The following GIGYF2 variants were observed in gnomAD, a reference collection of about 807,000 sequenced individuals.
GIGYF2 encodes the protein GRB10 interacting GYF protein 2.
A neutral mutation model predicts 208.1 loss-of-function variants in GIGYF2; 25 were observed. The ratio of observed to expected loss-of-function variants is 0.12; its 90% CI spans 0.09 to 0.17. GIGYF2 has a LOEUF of 0.17. Among genes scored for constraint, GIGYF2 ranks in the 10% least tolerant of loss-of-function variants. GIGYF2 has a pLI of 1.00. For synonymous variants in GIGYF2, 534 were observed against 543.8 expected, an observed-to-expected ratio of 0.98 and a Z score of 0.25; for missense variants, 1,302 against 1,579.4, an observed-to-expected ratio of 0.82 and a Z score of 2.98.
intron 14 of GIGYF2, among the ~76,000 whole-genome samples, chr2:232,800,430 C>T (rs1467843652): frequency 6.6e-6 from 1 of 152,082 alleles, no homozygotes; most frequent in Non-Finnish European, 1.5e-5. Context: ...AATATTTGAC[C>T]ATGTACTCTG....
At chr2:232,855,985 C>T (rs1380673381) in intron 28 of GIGYF2, among the ~76,000 whole-genome samples, 1 of 151,950 alleles carries the variant, frequency 6.6e-6, no homozygotes, top group Non-Finnish European at 1.5e-5. Flanking sequence ...GGCTGGAGTG[C>T]AGTGGCGCGA....
intron 28 of GIGYF2, among the ~76,000 whole-genome samples, chr2:232,853,424 G>A (rs1690434364): frequency 6.6e-6 from 1 of 152,166 alleles, no homozygotes; most frequent in Admixed American, 6.5e-5. Flanking sequence ...CTACAGGTGC[G>A]TGCCACCACG....
chr2:232,790,529 T>A (rs142425787), intron 9 of GIGYF2, among the ~76,000 whole-genome samples, 169 bp from the exon 10 acceptor site: 1 of 152,250 alleles, frequency 6.6e-6, no homozygotes, highest in South Asian at 2.1e-4. Flanking sequence ...ATGGTACATA[T>A]ACTCTGAACT....
chr2:232,801,231 A>C (rs1017796735), intron 14 of GIGYF2, among the ~76,000 whole-genome samples: 1 of 152,142 alleles, frequency 6.6e-6, no homozygotes, highest in Non-Finnish European at 1.5e-5. Context: ...TTACATTTTT[A>C]AATAGTCATA....
chr2:232,842,012 T>A (rs989075868), intron 23 of GIGYF2, among the ~76,000 whole-genome samples: 107 of 147,716 alleles, frequency 7.2e-4, no homozygotes, highest in Non-Finnish European at 1.2e-3. Flanking sequence ...TAAAAAAAAA[T>A]TTTTTTTTTT....
At chr2:232,737,236 A>G (rs1203686057) in intron 3 of GIGYF2, among the ~76,000 whole-genome samples, 1 of 152,220 alleles carries the variant, frequency 6.6e-6, no homozygotes. Context: ...ATCTTTCAAT[A>G]GTATCTTACA....
rs183594180 is a variant in GIGYF2, at chr2:232,761,173, T to C, written c.492-223T>C. ...TATGTATCTAATTTAAAAAATAATA[T>C]TTTGGGTCAATAGAAACAGCTTTTG... On this transcript the variant is annotated intron_variant, in intron 7 of 28. Coordinates refer to ENST00000373563, the MANE Select transcript of GIGYF2 (RefSeq NM_001103146.3). Among the ~76,000 whole-genome samples the C allele has an allele frequency of 9.7e-4, 148 of 152,276 alleles. 3 individuals carry two copies. In the East Asian group the frequency reaches 0.021, roughly 21 times the overall value.
intron 21 of GIGYF2, among the ~76,000 whole-genome samples, chr2:232,828,957 A>G (rs1469980391): frequency 6.6e-6 from 1 of 152,184 alleles, no homozygotes; most frequent in Admixed American, 6.5e-5. Flanking sequence ...GTAGTGTTTC[A>G]TGAATGACAA....
chr2:232,790,958 T>C, intron 10 of GIGYF2, 43 bp downstream of exon 10: 1 of 1,611,674 alleles, frequency 6.2e-7, no homozygotes, highest in Non-Finnish European at 8.5e-7. Context: ...ATTAACCTTA[T>C]ACCAAAGCCA....
Position 232,764,097 on chromosome 2 carries a change from CTA to C in GIGYF2, c.532+2663_532+2664del, listed in dbSNP as rs546786589. Among the ~76,000 whole-genome samples, 176 of 152,270 alleles carry C rather than the reference CTA, an allele frequency of 1.2e-3. 1 individual carries two copies. The highest frequency in any genetic ancestry group is 4.0e-3 in the African/African-American group (165 of 41,538). On this transcript the variant is annotated intron_variant, in intron 8 of 28. Transcript: ENST00000373563. ...AATCATTCAATATTGTGAGGGATAT[CTA>C]TGGAGTGGAACAGTTAGGACATGGG...
At chr2:232,761,123 A>C (rs934464739) in intron 7 of GIGYF2, among the ~76,000 whole-genome samples, 1 of 152,172 alleles carries the variant, frequency 6.6e-6, no homozygotes, top group Admixed American at 6.5e-5. Flanking sequence ...AACACATTCT[A>C]AGAGCAGTAT....
At chr2:232,834,423 C>T (rs943697988) in intron 22 of GIGYF2, among the ~76,000 whole-genome samples, 2 of 152,136 alleles carry the variant, frequency 1.3e-5, no homozygotes, top group African/African-American at 4.8e-5. Flanking sequence ...ATGTGAGAAC[C>T]ACTGTCCATC....
At chr2:232,850,937 CCA>C (rs1690290682) in intron 28 of GIGYF2, among the ~76,000 whole-genome samples, 1 of 152,130 alleles carries the variant, frequency 6.6e-6, no homozygotes, top group Non-Finnish European at 1.5e-5. Context: ...AGAACATTTC[CCA>C]GTGTTACATA....
chr2:232,850,243 C>A lies in GIGYF2; in HGVS notation c.3685-19C>A. 2 of 1,608,908 alleles carry A rather than the reference C, an allele frequency of 1.2e-6. No individual in the cohort carries two copies. Among genetic ancestry groups the A allele is most frequent in the South Asian group, 2.2e-5 (2 of 90,914 alleles). Reference sequence around the variant, plus strand: ...TCTGAATCTGCTGTGTAATCTCAGTCATGCTGCTTATTTCACAGGACTCTG... The same window carrying A: ...TCTGAATCTGCTGTGTAATCTCAGTAATGCTGCTTATTTCACAGGACTCTG... On this transcript the variant is annotated intron_variant, in intron 27 of 28. Coordinates refer to ENST00000373563, the MANE Select transcript of GIGYF2 (RefSeq NM_001103146.3).
At chr2:232,818,654 CAG>C (rs1169210766) in intron 20 of GIGYF2, among the ~76,000 whole-genome samples, 7 of 151,738 alleles carry the variant, frequency 4.6e-5, no homozygotes, top group Non-Finnish European at 1.0e-4. Flanking sequence ...TTTTTGGAGA[CAG>C]AGTCTCACTC....
intron 22 of GIGYF2, among the ~76,000 whole-genome samples, chr2:232,835,899 G>C (rs113707255): frequency 6.6e-6 from 1 of 151,412 alleles, no homozygotes; most frequent in Admixed American, 6.6e-5. Flanking sequence ...CTGGTGGTGC[G>C]TGTGGCTGCA....
chr2:232,822,692 T>A (rs1034146352), intron 21 of GIGYF2, among the ~76,000 whole-genome samples: 14 of 152,134 alleles, frequency 9.2e-5, no homozygotes, highest in African/African-American at 3.1e-4. Context: ...GGGGAAAAGC[T>A]GTTTATTTTC....
chr2:232,723,764 C>T (rs112133824), intron 2 of GIGYF2, among the ~76,000 whole-genome samples: 39,148 of 115,016 alleles, frequency 0.34, 6,512 homozygotes, highest in South Asian at 0.65. Context: ...TGGAGTTTCG[C>T]TCTTGTTGCC....
At chr2:232,773,543 A>G (rs184924307) in intron 8 of GIGYF2, among the ~76,000 whole-genome samples, 20 of 152,274 alleles carry the variant, frequency 1.3e-4, no homozygotes, top group East Asian at 9.6e-4. Flanking sequence ...TGCATTCTCA[A>G]GAAGGTCTTT....
Sources: gnomAD v4.1 joint callset for allele counts (sites outside exome capture counted in the v4.1 genomes callset) on GRCh38, gnomAD v4.1.1 for gene constraint, MANE v1.5 for transcripts, NCBI Gene and HGNC (gene_info 2026-07-23, HGNC 2026-07-21) for gene names.